Variants in ADAMTS18 observed in about 807,000 individuals in gnomAD.
ADAMTS18 encodes the protein ADAM metallopeptidase with thrombospondin type 1 motif 18.
Under a neutral mutation model 165.9 loss-of-function variants are expected in ADAMTS18, and 157 were observed. The observed-to-expected ratio is 0.95, with a 90% CI of 0.83 to 1.08. ADAMTS18 has a LOEUF of 1.08. ADAMTS18 is among the 50% of genes least tolerant of loss of function. The pLI is 0.00. For synonymous variants in ADAMTS18, 782 were observed against 578.2 expected (o/e 1.35, Z -5.06); for missense variants, 2,040 against 1,534.0 (o/e 1.33, Z -5.51).
At chr16:77,344,589 A>C (rs577058502) in intron 10 of ADAMTS18, among the ~76,000 whole-genome samples, 111 of 152,160 alleles carry the variant, frequency 7.3e-4, no homozygotes, top group Non-Finnish European at 1.2e-3. Flanking sequence ...TACAGCCAGG[A>C]AAAAGCCATA....
intron 16 of ADAMTS18, among the ~76,000 whole-genome samples, chr16:77,310,112 G>C (rs907350323): frequency 1.3e-5 from 2 of 152,170 alleles, no homozygotes; most frequent in Non-Finnish European, 1.5e-5. Flanking sequence ...GACAGGCTGG[G>C]TTCTGGTCCC....
intron 20 of ADAMTS18, among the ~76,000 whole-genome samples, chr16:77,291,982 G>C (rs529377141): frequency 1.2e-4 from 18 of 152,302 alleles, no homozygotes; most frequent in East Asian, 5.8e-4. Context: ...GAGGTAACAT[G>C]ATGAGGGTCA....
At chr16:77,344,241 T>C (rs75179663) in intron 10 of ADAMTS18, among the ~76,000 whole-genome samples, 13,266 of 151,296 alleles carry the variant, frequency 0.088, 794 homozygotes, top group East Asian at 0.27. Context: ...AATGGAAGAA[T>C]ATTGAGGACA....
chr16:77,303,320 C>T (rs1434398244), intron 16 of ADAMTS18, among the ~76,000 whole-genome samples: 1 of 152,224 alleles, frequency 6.6e-6, no homozygotes, highest in African/African-American at 2.4e-5. Flanking sequence ...CCGCCTCTGA[C>T]ACCCATCTTC....
At chr16:77,412,831 T>C (rs1243669034) in intron 3 of ADAMTS18, among the ~76,000 whole-genome samples, 1 of 152,092 alleles carries the variant, frequency 6.6e-6, no homozygotes, top group African/African-American at 2.4e-5. Context: ...ATAGAAATTA[T>C]GGGAGCTACA....
In ADAMTS18 at chr16:77,284,027, G is replaced by C. The variant is rs1057368919; in HGVS notation, c.3595C>G (p.Pro1199Ala). 2.0e-5 allele frequency: 32 copies of C among 1,613,794 alleles called. No homozygotes were observed. The highest frequency in any genetic ancestry group is 2.7e-5 in the Non-Finnish European group (32 of 1,179,926). Residue 1199 changes from proline (P) to alanine (A), a missense_variant, in exon 23 of 23, where the codon CCT (proline) becomes GCT (alanine). Transcript: ENST00000282849. ...VDFFNWCHLV[P>A]QHGVCNHKFY... Reference sequence around the variant, plus strand: ...TTGTGGTTGCAGACACCATGCTGAGGAACTAGGTGACACCAGTTGAAGAAA... The same window carrying C: ...TTGTGGTTGCAGACACCATGCTGAGCAACTAGGTGACACCAGTTGAAGAAA...
At chr16:77,345,886 A>G (rs776580349) in intron 10 of ADAMTS18, among the ~76,000 whole-genome samples, 2 of 152,158 alleles carry the variant, frequency 1.3e-5, no homozygotes, top group African/African-American at 4.8e-5. Flanking sequence ...TTGTCAATTC[A>G]TCACGAGAAA....
At chr16:77,411,578 T>A (rs1377596898) in intron 3 of ADAMTS18, among the ~76,000 whole-genome samples, 1 of 151,984 alleles carries the variant, frequency 6.6e-6, no homozygotes, top group East Asian at 1.9e-4. Flanking sequence ...TTGGAGTGTG[T>A]TATGAAGAGG....
chr16:77,414,905 G>A (rs1012194690), intron 3 of ADAMTS18, among the ~76,000 whole-genome samples: 1 of 152,166 alleles, frequency 6.6e-6, no homozygotes, highest in African/African-American at 2.4e-5. Context: ...AGCCAACCAT[G>A]AAGCCTCTGT....
chr16:77,406,525 T>C (rs145445246), intron 3 of ADAMTS18, among the ~76,000 whole-genome samples: 18 of 152,058 alleles, frequency 1.2e-4, no homozygotes, highest in African/African-American at 3.6e-4. Context: ...TCCATGAAGA[T>C]TGGGGGAAGG....
rs553930454 is a variant in ADAMTS18, at chr16:77,348,086, T to C, written c.1614+5647A>G. On this transcript the variant is annotated intron_variant, in intron 10 of 22. Transcript: ENST00000282849. The stretch of plus-strand genomic sequence containing the variant: ...GAGTTCATTCACATATAGATATCAC[T>C]ACAATTTTGACTCTAAAACCAGGGC... Among the ~76,000 whole-genome samples the C allele has an allele frequency of 8.5e-5, 13 of 152,282 alleles. No homozygotes were observed. In the South Asian group the frequency reaches 2.5e-3, roughly 29 times the overall value.
intron 16 of ADAMTS18, among the ~76,000 whole-genome samples, chr16:77,313,493 A>G (rs1003795568): frequency 6.6e-6 from 1 of 152,046 alleles, no homozygotes; most frequent in Non-Finnish European, 1.5e-5. Flanking sequence ...GTTTAAAAAA[A>G]AAAAAACTTA....
chr16:77,318,565 G>C (rs1225866944), intron 16 of ADAMTS18, among the ~76,000 whole-genome samples: 2 of 152,134 alleles, frequency 1.3e-5, no homozygotes, highest in Middle Eastern at 3.2e-3. Flanking sequence ...CAGAATGCCT[G>C]AACCTACTCT....
At chr16:77,284,247 TCCCAAGTAGCAGGG>T (rs2055205727) in intron 22 of ADAMTS18, among the ~76,000 whole-genome samples, 176 bp from the exon 23 acceptor site, 3 of 151,800 alleles carry the variant, frequency 2.0e-5, no homozygotes, top group Non-Finnish European at 4.4e-5. Flanking sequence ...TGCCTAAGCT[TCCCAAGTAGCAGGG>T]ACTATAGGCA....
chr16:77,390,560 TG>T (rs2057172074), intron 3 of ADAMTS18, among the ~76,000 whole-genome samples: 1 of 151,962 alleles, frequency 6.6e-6, no homozygotes, highest in African/African-American at 2.4e-5. Context: ...CATGGTGGCG[TG>T]TGCCTGTAAT....
chr16:77,363,775 A>G, intron 6 of ADAMTS18, 27 bp downstream of exon 6: 4 of 1,599,494 alleles, frequency 2.5e-6, no homozygotes, highest in Non-Finnish European at 3.4e-6. Flanking sequence ...AGACTGAATG[A>G]AGACATAAAT....
At chr16:77,300,593 A>C (rs1480746280) in intron 16 of ADAMTS18, among the ~76,000 whole-genome samples, 189 bp from the exon 17 acceptor site, 1 of 152,144 alleles carries the variant, frequency 6.6e-6, no homozygotes, top group Admixed American at 6.6e-5. Context: ...GTGTCCCTTC[A>C]TGTTATCAAA....
chr16:77,350,899 T>C (rs1324689745), intron 10 of ADAMTS18, among the ~76,000 whole-genome samples: 4 of 152,094 alleles, frequency 2.6e-5, no homozygotes, highest in Non-Finnish European at 5.9e-5. Flanking sequence ...TATGCAACCC[T>C]TTCACTATGC....
At chr16:77,286,508 T>G (rs1171199390) in intron 22 of ADAMTS18, among the ~76,000 whole-genome samples, 28 of 152,174 alleles carry the variant, frequency 1.8e-4, no homozygotes, top group Non-Finnish European at 1.5e-5. Context: ...CTCAAAACAG[T>G]CTTTCGAAGT....
Sources: gnomAD v4.1 joint callset for allele counts (sites outside exome capture counted in the v4.1 genomes callset) on GRCh38, gnomAD v4.1.1 for gene constraint, MANE v1.5 for transcripts, NCBI Gene and HGNC (gene_info 2026-07-23, HGNC 2026-07-21) for gene names.